LRMDA: variants seen among roughly 807,000 people sequenced by gnomAD.
The protein encoded by LRMDA is leucine-rich melanocyte differentiation-associated protein.
In LRMDA, 18 loss-of-function variants were observed where a neutral mutation model predicts 29.8. The observed-to-expected ratio is 0.60, with a 90% CI of 0.42 to 0.90. The LOEUF is 0.90. Among genes scored for constraint, LRMDA ranks in the 40% least tolerant of loss-of-function variants. The probability of loss-of-function intolerance (pLI) is 0.00; values close to 1 mark genes in which losing one functional copy is unlikely to be tolerated. For missense variants in LRMDA, 273 were observed against 273.9 expected (o/e 1.00, Z 0.02); for synonymous variants, 125 against 109.4 (o/e 1.14, Z -0.89).
chr10:76,075,802 G>T (rs768079939), intron 5 of LRMDA, among the ~76,000 whole-genome samples: 51 of 152,254 alleles, frequency 3.3e-4, no homozygotes, highest in Non-Finnish European at 6.5e-4. Flanking sequence ...TCAGGTAGGG[G>T]TCCAGTATCT....
At chr10:75,890,739 T>G (rs1845472961) in intron 2 of LRMDA, among the ~76,000 whole-genome samples, 1 of 152,054 alleles carries the variant, frequency 6.6e-6, no homozygotes, top group African/African-American at 2.4e-5. Context: ...GCTACTGTAG[T>G]GTTGTGTCAT....
intron 2 of LRMDA, among the ~76,000 whole-genome samples, chr10:75,762,861 CAAAGT>C (rs1329072429): frequency 6.6e-6 from 1 of 152,090 alleles, no homozygotes; most frequent in Admixed American, 6.5e-5. Context: ...ACAGAAACCT[CAAAGT>C]AATCTGTTCA....
At chr10:76,089,544 A>C (rs1849195140) in intron 5 of LRMDA, among the ~76,000 whole-genome samples, 1 of 152,154 alleles carries the variant, frequency 6.6e-6, no homozygotes, top group Non-Finnish European at 1.5e-5. Flanking sequence ...TTGGACATAA[A>C]ATGGTAGACT....
chr10:75,831,615 G>C (rs1844346646), intron 2 of LRMDA, among the ~76,000 whole-genome samples: 1 of 152,188 alleles, frequency 6.6e-6, no homozygotes, highest in Non-Finnish European at 1.5e-5. Context: ...ACTAGGTAGT[G>C]CCTCAGTAGG....
At chr10:76,270,202 A>G (rs1223850655) in intron 5 of LRMDA, 1 of 152,252 alleles carries the variant, frequency 6.6e-6, no homozygotes, top group Non-Finnish European at 1.5e-5. Context: ...ACTTTCTAAC[A>G]TTGGTGTCTC....
chr10:76,469,520 C>T (rs570055532), intron 6 of LRMDA, among the ~76,000 whole-genome samples: 2 of 152,086 alleles, frequency 1.3e-5, no homozygotes, highest in African/African-American at 2.4e-5. Context: ...CTGCCTCAGT[C>T]TCTGGAGCAG....
At chr10:76,339,622 T>G (rs1175092283) in intron 6 of LRMDA, among the ~76,000 whole-genome samples, 1 of 151,874 alleles carries the variant, frequency 6.6e-6, no homozygotes, top group Non-Finnish European at 1.5e-5. Context: ...CAACAGATAT[T>G]TAAGAAAAAG....
chr10:76,160,507 CA>C (rs561026673), intron 5 of LRMDA, among the ~76,000 whole-genome samples: 249 of 151,274 alleles, frequency 1.6e-3, no homozygotes, highest in African/African-American at 5.8e-3. Context: ...GGGATTCATT[CA>C]AAAAAAATTT....
At chr10:75,845,844 G>T (rs1418521452) in intron 2 of LRMDA, among the ~76,000 whole-genome samples, 4 of 152,178 alleles carry the variant, frequency 2.6e-5, no homozygotes, top group Non-Finnish European at 5.9e-5. Context: ...ACCACATGGG[G>T]GCAGAGAGAG....
intron 2 of LRMDA, among the ~76,000 whole-genome samples, chr10:75,944,988 T>C (rs1846453120): frequency 1.3e-5 from 2 of 152,136 alleles, no homozygotes; most frequent in African/African-American, 4.8e-5. Context: ...ATCTACTGGC[T>C]TTTAAAAAAA....
intron 2 of LRMDA, among the ~76,000 whole-genome samples, chr10:75,941,472 G>C (rs1384399132): frequency 6.6e-6 from 1 of 152,180 alleles, no homozygotes; most frequent in Non-Finnish European, 1.5e-5. Flanking sequence ...AGGCTTCTTA[G>C]CTGTTGGTGT....
Position 76,301,920 on chromosome 10 carries a change from C to G in LRMDA, c.517-22481C>G, listed in dbSNP as rs1274564796. Among the ~76,000 whole-genome samples, 6 of 152,130 alleles carry G rather than the reference C, an allele frequency of 3.9e-5. No homozygotes were observed. The South Asian group carries it at 1.0e-3, about 26-fold the overall frequency. On this transcript the variant is annotated intron_variant, in intron 5 of 6. Coordinates refer to ENST00000611255, the MANE Select transcript of LRMDA (RefSeq NM_001305581.2). The stretch of plus-strand genomic sequence containing the variant: ...TGAGCATTTTCCTGTGTGGAGATCA[C>G]AGTAGTTTTAGAATTTGTTTCCTTT...
chr10:76,541,238 C>T lies in LRMDA; in HGVS notation c.602-15971C>T, dbSNP rs149709752. 2.8e-3 allele frequency among the ~76,000 whole-genome samples: 427 copies of T among 152,266 alleles called. 8 individuals are homozygous for T. Among genetic ancestry groups the T allele is most frequent in the Admixed American group, 0.025 (381 of 15,290 alleles). ...GGGTGAAGCCGGGAATGCTGGCTCA[C>T]GCCTGTAATCCAAGCACTTTGGGAG... On this transcript the variant is annotated intron_variant, in intron 6 of 6. Transcript: ENST00000611255.
chr10:76,120,243 C>T (rs1849759783), intron 5 of LRMDA, among the ~76,000 whole-genome samples: 1 of 147,330 alleles, frequency 6.8e-6, no homozygotes, highest in African/African-American at 2.5e-5. Flanking sequence ...GGCTGGAGTA[C>T]AGTGGCGCAA....
chr10:76,382,361 G>A (rs57778837), intron 6 of LRMDA, among the ~76,000 whole-genome samples: 4,380 of 152,278 alleles, frequency 0.029, 211 homozygotes, highest in African/African-American at 0.098. Context: ...AACAAACCTC[G>A]ATGATTTTCC....
chr10:75,711,469 G>A (rs1842435453), intron 2 of LRMDA, among the ~76,000 whole-genome samples: 1 of 152,130 alleles, frequency 6.6e-6, no homozygotes, highest in Non-Finnish European at 1.5e-5. Context: ...GGAACATTGT[G>A]TAGAAGAACG....
chr10:76,473,729 A>G (rs1454985866), intron 6 of LRMDA, among the ~76,000 whole-genome samples: 1 of 151,752 alleles, frequency 6.6e-6, no homozygotes, highest in South Asian at 2.1e-4. Flanking sequence ...AATTAAGAAA[A>G]CAATTCCATT....
At chr10:76,147,411 T>C (rs1850347343) in intron 5 of LRMDA, among the ~76,000 whole-genome samples, 3 of 152,152 alleles carry the variant, frequency 2.0e-5, no homozygotes, top group Admixed American at 1.3e-4. Flanking sequence ...TCTAAACTTC[T>C]CTTCTCGCTT....
At chr10:75,747,275 G>T (rs1485105194) in intron 2 of LRMDA, among the ~76,000 whole-genome samples, 1 of 151,976 alleles carries the variant, frequency 6.6e-6, no homozygotes, top group African/African-American at 2.4e-5. Context: ...AAAAATGACA[G>T]TTCAATAAAA....
Sources: gnomAD v4.1 joint callset for allele counts (sites outside exome capture counted in the v4.1 genomes callset) on GRCh38, gnomAD v4.1.1 for gene constraint, MANE v1.5 for transcripts, NCBI Gene and HGNC (gene_info 2026-07-23, HGNC 2026-07-21) for gene names.